NTM: variants seen among roughly 807,000 people sequenced by gnomAD.
NTM encodes the protein neurotrimin, also known as IgLON family member 2.
A neutral mutation model predicts 42.1 loss-of-function variants in NTM; 13 were observed. The observed-to-expected ratio is 0.31, with a 90% CI of 0.20 to 0.49. NTM has a LOEUF of 0.49. Among genes scored for constraint, NTM ranks in the 20% least tolerant of loss-of-function variants. The pLI is 0.99. For missense variants in NTM, 373 were observed against 452.8 expected (o/e 0.82, Z 1.60); for synonymous variants, 187 against 179.2 (o/e 1.04, Z -0.35).
intron 1 of NTM, among the ~76,000 whole-genome samples, chr11:131,774,599 T>C (rs1393764893): frequency 6.6e-6 from 1 of 152,202 alleles, no homozygotes; most frequent in African/African-American, 2.4e-5. Flanking sequence ...GCTCCAAATA[T>C]AATTTTTCTC....
intron 2 of NTM, among the ~76,000 whole-genome samples, chr11:131,965,949 AGGAGGGAG>A (rs1233686461): frequency 2.9e-5 from 2 of 69,322 alleles, no homozygotes; most frequent in East Asian, 4.5e-4. Flanking sequence ...GGGGAAGGAA[AGGAGGGAG>A]GGAGGGAGGG....
chr11:131,593,912 C>T (rs2059598788), intron 1 of NTM, among the ~76,000 whole-genome samples: 1 of 152,110 alleles, frequency 6.6e-6, no homozygotes, highest in South Asian at 2.1e-4. Context: ...TTTATTTCCC[C>T]CTTGTGGTGC....
At chr11:131,882,620 C>T (rs1021238482) in intron 1 of NTM, among the ~76,000 whole-genome samples, 3 of 152,132 alleles carry the variant, frequency 2.0e-5, no homozygotes, top group Admixed American at 2.0e-4. Context: ...TTCGGAGTAT[C>T]TCGTGAAGAG....
At chr11:131,521,044 G>A (rs542197175) in intron 1 of NTM, among the ~76,000 whole-genome samples, 2 of 152,040 alleles carry the variant, frequency 1.3e-5, no homozygotes, top group African/African-American at 4.8e-5. Context: ...AAGGTGCTTG[G>A]CCAGGCGTGG....
chr11:132,029,808 G>A (rs116818096), intron 2 of NTM, among the ~76,000 whole-genome samples: 1,536 of 152,180 alleles, frequency 0.01, 33 homozygotes, highest in African/African-American at 0.035. Context: ...AGTCAGAGAC[G>A]AGGAGTGGGT....
Position 131,796,217 on chromosome 11 carries a change from C to T in NTM, c.83-115347C>T, listed in dbSNP as rs2091539390. On this transcript the variant is annotated intron_variant, in intron 1 of 8. Transcript: ENST00000683400. ...AGGTTAAGGTGGTCAGAAACTAGAA[C>T]CTGTACCTGTGGAAGAGGCCATGCA... is the stretch of plus-strand genomic sequence containing the variant. 5.2e-6 allele frequency: 5 copies of T among 965,342 alleles called. No individual in the cohort carries two copies. The South Asian group carries it at 1.4e-4, about 28-fold the overall frequency. The allele number at this position is 965,342 out of a possible 1,614,324, so 59.8% of individuals were successfully genotyped here.
At chr11:131,972,042 C>CTAAAAAAAAA (rs2063617913) in intron 2 of NTM, among the ~76,000 whole-genome samples, 1 of 57,842 alleles carries the variant, frequency 1.7e-5, no homozygotes, top group Non-Finnish European at 3.3e-5. Context: ...GACTCCGTCT[C>CTAAAAAAAAA]AAAAAAAAAA....
At chr11:132,079,380 G>A (rs1031629781) in intron 2 of NTM, among the ~76,000 whole-genome samples, 1 of 152,132 alleles carries the variant, frequency 6.6e-6, no homozygotes, top group African/African-American at 2.4e-5. Context: ...TTGAATCCTA[G>A]CATCAACACC....
intron 2 of NTM, among the ~76,000 whole-genome samples, chr11:132,041,106 C>A (rs2077118228): frequency 6.6e-6 from 1 of 152,124 alleles, no homozygotes; most frequent in Non-Finnish European, 1.5e-5. Flanking sequence ...GTTGCAGTTA[C>A]ATTTTTCTGG....
intron 1 of NTM, among the ~76,000 whole-genome samples, chr11:131,375,758 T>G (rs1941882089): frequency 6.6e-6 from 1 of 152,134 alleles, no homozygotes; most frequent in Admixed American, 6.5e-5. Flanking sequence ...TTGACTGATT[T>G]TGGTCGGTAA....
At chr11:132,310,351 C>G (rs1230151780) in intron 6 of NTM, 119 bp downstream of exon 6, 2 of 952,232 alleles carry the variant, frequency 2.1e-6, no homozygotes, top group African/African-American at 3.4e-5. Context: ...GAACTTATCT[C>G]TATAGGGGGC....
chr11:131,506,482 C>T (rs73026139), intron 1 of NTM, among the ~76,000 whole-genome samples: 11,269 of 152,254 alleles, frequency 0.074, 451 homozygotes, highest in Middle Eastern at 0.15. Flanking sequence ...GATGGCGTGT[C>T]GCTGGGACAG....
intron 1 of NTM, among the ~76,000 whole-genome samples, chr11:131,609,163 C>A (rs183043640): frequency 9.2e-5 from 14 of 152,300 alleles, no homozygotes; most frequent in Admixed American, 8.5e-4. Context: ...CTGCACGGCT[C>A]TCTGCTTCTG....
intron 1 of NTM, among the ~76,000 whole-genome samples, chr11:131,438,544 C>A (rs942808003): frequency 6.6e-6 from 1 of 152,166 alleles, no homozygotes; most frequent in Non-Finnish European, 1.5e-5. Context: ...CCTTCAATCA[C>A]CGATACCCTT....
chr11:132,297,443 A>T (rs180673412), intron 4 of NTM, among the ~76,000 whole-genome samples: 77 of 152,336 alleles, frequency 5.1e-4, no homozygotes, highest in Middle Eastern at 3.4e-3. Flanking sequence ...CCTCTAGTTC[A>T]TCAGCCAGTG....
chr11:132,011,596 C>A (rs1408348125), intron 2 of NTM, among the ~76,000 whole-genome samples: 1 of 152,146 alleles, frequency 6.6e-6, no homozygotes, highest in African/African-American at 2.4e-5. Context: ...CCTTTACAAG[C>A]ATTATCCAAA....
intron 4 of NTM, among the ~76,000 whole-genome samples, chr11:132,248,589 G>A (rs1349018213): frequency 6.6e-6 from 1 of 152,152 alleles, no homozygotes; most frequent in African/African-American, 2.4e-5. Context: ...CAGAAGTGTT[G>A]TTTGTTCTTT....
chr11:132,027,340 G>A (rs1400748254), intron 2 of NTM, among the ~76,000 whole-genome samples: 5 of 152,152 alleles, frequency 3.3e-5, no homozygotes, highest in Admixed American at 2.6e-4. Flanking sequence ...GGGAAATAAC[G>A]ATCAATTTAT....
At chr11:132,082,166 C>G (rs1313172037) in intron 2 of NTM, among the ~76,000 whole-genome samples, 1 of 151,914 alleles carries the variant, frequency 6.6e-6, no homozygotes, top group East Asian at 1.9e-4. Flanking sequence ...AATTGATGGT[C>G]CTGGGAATGA....
Sources: allele counts gnomAD v4.1 joint callset (sites outside exome capture counted in the v4.1 genomes callset), GRCh38; gene constraint gnomAD v4.1.1; transcripts MANE v1.5; gene names NCBI Gene and HGNC (gene_info 2026-07-23, HGNC 2026-07-21).